COL25A1: variants seen among roughly 807,000 people sequenced by gnomAD.
COL25A1 encodes the protein collagen alpha-1(XXV) chain.
Under a neutral mutation model 128.4 loss-of-function variants are expected in COL25A1, and 103 were observed. The ratio of observed to expected loss-of-function variants is 0.80; its 90% confidence interval spans 0.68 to 0.94. The LOEUF (loss-of-function observed/expected upper bound fraction) is 0.94, where lower values mean the gene tolerates loss of function less well. Ranked by LOEUF, COL25A1 falls within the 40% of genes least tolerant of loss-of-function variation. The pLI is 0.00. For missense variants in COL25A1, 745 were observed against 840.0 expected (o/e 0.89, Z 1.40); for synonymous variants, 279 against 277.2 (o/e 1.01, Z -0.06).
intron 19 of COL25A1, among the ~76,000 whole-genome samples, chr4:108,881,151 G>A (rs370091949): frequency 2.6e-5 from 4 of 152,286 alleles, no homozygotes; most frequent in South Asian, 2.1e-4. Context: ...AGAGTAGCTC[G>A]AAATTAAGTT....
At position 108,899,164 on chromosome 4, in the gene COL25A1, T is replaced by G. The variant is rs1225638281; in HGVS notation, c.851A>C (p.Gln284Pro). 5.0e-6 allele frequency: 8 copies of G among 1,609,778 alleles called. No individual in the cohort carries two copies. The highest frequency in any genetic ancestry group is 1.6e-4 in the Middle Eastern group (1 of 6,070). ...CAGAATCATTCTTACCTTTTCACCT[T>G]GTTCTCCAGGTTCTCCCTGAGCAAA... ...IPGPKGEPGE[Q>P]GEKGDAGENG... Residue 284 changes from glutamine to proline, a missense_variant, in exon 15 of 38, where the codon CAA becomes CCA. Physicochemically the swap from Gln to Pro is moderately conservative, Grantham distance 76. Transcript: ENST00000399132.
At chr4:109,123,358 T>A (rs551779926) in intron 3 of COL25A1, among the ~76,000 whole-genome samples, 1 of 152,170 alleles carries the variant, frequency 6.6e-6, no homozygotes, top group South Asian at 2.1e-4. Flanking sequence ...AACTTTTGCT[T>A]ACTGAAACAA....
At chr4:108,903,216 T>G (rs1336337802) in intron 13 of COL25A1, among the ~76,000 whole-genome samples, 1 of 152,032 alleles carries the variant, frequency 6.6e-6, no homozygotes, top group African/African-American at 2.4e-5. Flanking sequence ...TCTTTGATTT[T>G]TTATGTTGCC....
At chr4:108,823,401 G>A (rs1379933555) in intron 35 of COL25A1, among the ~76,000 whole-genome samples, 2 of 152,074 alleles carry the variant, frequency 1.3e-5, no homozygotes, top group African/African-American at 4.8e-5. Context: ...AGGATGGAGG[G>A]AGGGAGGGAA....
At chr4:108,926,992 G>T (rs1404108847) in intron 11 of COL25A1, among the ~76,000 whole-genome samples, 2 of 152,070 alleles carry the variant, frequency 1.3e-5, no homozygotes, top group Non-Finnish European at 2.9e-5. Context: ...AAGGAACACA[G>T]TATAAACAAG....
chr4:109,207,210 G>A (rs981252068), intron 3 of COL25A1, among the ~76,000 whole-genome samples: 16 of 152,110 alleles, frequency 1.1e-4, no homozygotes, highest in African/African-American at 3.9e-4. Flanking sequence ...TTAGGAAGCT[G>A]CCAAACAAAG....
At chr4:108,889,610 T>C (rs374092602) in intron 17 of COL25A1, 91 bp downstream of exon 17, 1 of 1,106,756 alleles carries the variant, frequency 9.0e-7, no homozygotes, top group African/African-American at 1.6e-5. Flanking sequence ...GTTATAACCA[T>C]CAAAGTTGCT....
chr4:108,953,469 G>A (rs571176128), intron 8 of COL25A1, among the ~76,000 whole-genome samples: 1 of 152,234 alleles, frequency 6.6e-6, no homozygotes, highest in African/African-American at 2.4e-5. Flanking sequence ...TTTTATATTT[G>A]ATGTCATTTG....
intron 6 of COL25A1, among the ~76,000 whole-genome samples, chr4:108,996,996 T>C (rs554900294): frequency 6.6e-6 from 1 of 152,318 alleles, no homozygotes; most frequent in Non-Finnish European, 1.5e-5. Flanking sequence ...GGGAAATTTA[T>C]AGCACCAAAT....
chr4:108,878,493 G>A (rs1453286024), intron 19 of COL25A1, among the ~76,000 whole-genome samples: 2 of 152,120 alleles, frequency 1.3e-5, no homozygotes, highest in African/African-American at 4.8e-5. Flanking sequence ...CATGATACCT[G>A]CTTTTGAGGA....
intron 35 of COL25A1, among the ~76,000 whole-genome samples, chr4:108,821,025 GTA>G (rs1191158408): frequency 2.0e-5 from 3 of 152,142 alleles, no homozygotes; most frequent in Non-Finnish European, 4.4e-5. Context: ...TTAAATAAAT[GTA>G]TTCATTCTGC....
Position 109,176,561 on chromosome 4 carries a change from C to T in COL25A1, c.367+124022G>A, listed in dbSNP as rs187385543. On this transcript the variant is annotated intron_variant, in intron 3 of 37. Coordinates refer to ENST00000399132, the MANE Select transcript of COL25A1 (RefSeq NM_198721.4). ...AAGTTCCAAGAAAAAGAGTAGAGTG[C>T]TGAATGAGTTAAGATAACCTAAGGG... 1.1e-3 allele frequency among the ~76,000 whole-genome samples: 165 copies of T among 152,106 alleles called. 2 individuals carry two copies. The highest frequency in any genetic ancestry group is 3.9e-3 in the African/African-American group (160 of 41,504).
intron 19 of COL25A1, among the ~76,000 whole-genome samples, chr4:108,876,821 G>A (rs1233597009): frequency 1.3e-5 from 2 of 152,054 alleles, no homozygotes; most frequent in African/African-American, 4.8e-5. Context: ...GTCTTCTCCT[G>A]GATATTGCAT....
At chr4:109,144,160 C>A (rs1314172709) in intron 3 of COL25A1, among the ~76,000 whole-genome samples, 1 of 152,202 alleles carries the variant, frequency 6.6e-6, no homozygotes, top group Non-Finnish European at 1.5e-5. Context: ...CCCTCTGCTG[C>A]AGGTCTGCTG....
At chr4:109,262,718 T>C (rs1781535671) in intron 3 of COL25A1, among the ~76,000 whole-genome samples, 2 of 152,168 alleles carry the variant, frequency 1.3e-5, no homozygotes, top group African/African-American at 4.8e-5. Context: ...AGTCACAATA[T>C]AGACAAAACA....
intron 3 of COL25A1, among the ~76,000 whole-genome samples, chr4:109,159,888 A>T (rs1772391724): frequency 6.6e-6 from 1 of 152,206 alleles, no homozygotes; most frequent in African/African-American, 2.4e-5. Flanking sequence ...TGATAAACAA[A>T]CAGAACAATC....
At position 109,115,735 on chromosome 4, in the gene COL25A1, T is replaced by C. The variant is rs747104620; in HGVS notation, c.368-65556A>G. Among the ~76,000 whole-genome samples, 4 of 151,998 alleles carry C rather than the reference T, an allele frequency of 2.6e-5. No homozygotes were observed. In the South Asian group the frequency reaches 8.3e-4, roughly 31 times the overall value. On this transcript the variant is annotated intron_variant, in intron 3 of 37. Transcript: ENST00000399132. The stretch of plus-strand genomic sequence containing the variant: ...CTCCAGAGGCCAGTGTACAGACAGA[T>C]GCATCAAGAAAGCAATAGTTCCCAA...
chr4:109,154,228 T>A lies in COL25A1; in HGVS notation c.368-104049A>T, dbSNP rs368004150. ...TCAATCAAATCTAGGTTAAATATAT[T>A]TTATATTCTAAATAATGAGTAGCAA... On this transcript the variant is annotated intron_variant, in intron 3 of 37. Transcript: ENST00000399132. 5.9e-5 allele frequency among the ~76,000 whole-genome samples: 9 copies of A among 152,046 alleles called. No homozygotes were observed. The East Asian group carries it at 7.7e-4, about 13-fold the overall frequency.
chr4:108,953,906 C>A (rs1340706223), intron 8 of COL25A1, among the ~76,000 whole-genome samples: 6 of 152,068 alleles, frequency 3.9e-5, no homozygotes, highest in Admixed American at 2.0e-4. Flanking sequence ...GCACACTTAG[C>A]CCAACTGATA....
Sources: allele counts gnomAD v4.1 joint callset (sites outside exome capture counted in the v4.1 genomes callset), GRCh38; gene constraint gnomAD v4.1.1; transcripts MANE v1.5; gene names NCBI Gene and HGNC (gene_info 2026-07-23, HGNC 2026-07-21).